The following RBFOX1 variants were observed in gnomAD, a reference collection of about 807,000 sequenced individuals.
RBFOX1 encodes RNA binding fox-1 homolog 1, also known as RNA binding protein fox-1 homolog 1.
A neutral mutation model predicts 57.7 loss-of-function variants in RBFOX1; 8 were observed. The ratio of observed to expected loss-of-function variants is 0.14; its 90% confidence interval spans 0.08 to 0.25. The LOEUF is 0.25. Ranked by LOEUF, RBFOX1 falls within the 10% of genes least tolerant of loss-of-function variation. The pLI, the probability that RBFOX1 is intolerant of heterozygous loss-of-function variation, is 1.00. For synonymous variants in RBFOX1, 326 were observed against 222.4 expected (o/e 1.47, Z -4.15); for missense variants, 611 against 548.5 (o/e 1.11, Z -1.14).
intron 3 of RBFOX1, among the ~76,000 whole-genome samples, chr16:5,855,184 T>G (rs2056994306): frequency 6.6e-6 from 1 of 152,216 alleles, no homozygotes; most frequent in East Asian, 1.9e-4. Context: ...GTTGCTATTT[T>G]GTTCTGTTTG....
chr16:6,242,289 C>G (rs563726049), intron 1 of RBFOX1, among the ~76,000 whole-genome samples: 10 of 152,268 alleles, frequency 6.6e-5, no homozygotes, highest in Middle Eastern at 3.4e-3. Context: ...ACTGCCTTTG[C>G]TACTTAATCA....
intron 4 of RBFOX1, among the ~76,000 whole-genome samples, chr16:7,444,144 T>C (rs531443436): frequency 6.6e-6 from 1 of 152,332 alleles, no homozygotes; most frequent in Admixed American, 6.5e-5. Context: ...TAAACCAACA[T>C]TAGCTAGGGT....
intron 3 of RBFOX1, among the ~76,000 whole-genome samples, chr16:6,814,716 A>G (rs563242718): frequency 1.3e-5 from 2 of 152,208 alleles, no homozygotes; most frequent in African/African-American, 2.4e-5. Context: ...AACCTGAGGA[A>G]GTGAAGTGAA....
chr16:6,282,087 A>G (rs753601644), intron 1 of RBFOX1, among the ~76,000 whole-genome samples: 4 of 152,182 alleles, frequency 2.6e-5, no homozygotes, highest in Non-Finnish European at 4.4e-5. Context: ...GAGAAGTAAG[A>G]GTTCTGAATT....
intron 3 of RBFOX1, among the ~76,000 whole-genome samples, chr16:6,953,019 C>T (rs1025942996): frequency 7.2e-5 from 11 of 152,060 alleles, no homozygotes; most frequent in African/African-American, 2.7e-4. Flanking sequence ...ATCTTTACCT[C>T]ACCTGGCAAT....
chr16:7,256,599 G>A (rs1409489368), intron 4 of RBFOX1, among the ~76,000 whole-genome samples: 1 of 152,026 alleles, frequency 6.6e-6, no homozygotes, highest in Non-Finnish European at 1.5e-5. Context: ...GATGTATGGT[G>A]GCCTTCTGGA....
intron 3 of RBFOX1, among the ~76,000 whole-genome samples, chr16:5,848,850 G>T (rs1452885442): frequency 6.6e-6 from 1 of 152,124 alleles, no homozygotes. Context: ...TTGGGAGGCT[G>T]AGGCAGGAGA....
At chr16:6,991,800 G>A (rs2091505241) in intron 3 of RBFOX1, among the ~76,000 whole-genome samples, 1 of 152,162 alleles carries the variant, frequency 6.6e-6, no homozygotes, top group African/African-American at 2.4e-5. Flanking sequence ...GCCTTCCAAA[G>A]TGCTGCTAGG....
intron 4 of RBFOX1, among the ~76,000 whole-genome samples, chr16:7,165,272 G>A (rs970416059): frequency 1.3e-5 from 2 of 151,854 alleles, no homozygotes; most frequent in Non-Finnish European, 2.9e-5. Flanking sequence ...TAAGCAAGGG[G>A]GCAGAGAGGG....
At chr16:7,460,373 A>ATATATATATATATATG (rs2059322394) in intron 4 of RBFOX1, among the ~76,000 whole-genome samples, 1 of 79,936 alleles carries the variant, frequency 1.3e-5, no homozygotes, top group Non-Finnish European at 2.1e-5. Flanking sequence ...TTAGCAAAAT[A>ATATATATATATATATG]TATATATATA....
chr16:5,599,407 C>G, exon 3 of RBFOX1: 1 of 578,032 alleles, frequency 1.7e-6, no homozygotes, highest in East Asian at 2.8e-5. Flanking sequence ...GGCTTGGAGT[C>G]ACTGGGGTAC....
intron 3 of RBFOX1, among the ~76,000 whole-genome samples, chr16:5,788,667 A>T (rs890652842): frequency 1.6e-4 from 25 of 152,264 alleles, no homozygotes; most frequent in Admixed American, 1.6e-3. Flanking sequence ...GTGCTCTTTC[A>T]AAAGAGCAAA....
At chr16:5,828,967 C>T (rs898828865) in intron 3 of RBFOX1, among the ~76,000 whole-genome samples, 7 of 152,142 alleles carry the variant, frequency 4.6e-5, no homozygotes, top group East Asian at 1.9e-4. Context: ...TCCTCTGCTC[C>T]GGGTCTCCCA....
At chr16:6,092,435 A>G (rs145435770) in intron 1 of RBFOX1, 50 of 152,356 alleles carry the variant, frequency 3.3e-4, no homozygotes, top group Non-Finnish European at 8.8e-5. Flanking sequence ...CTGCAAGTCC[A>G]GCTTAAAGGA....
chr16:7,080,848 A>G (rs997216565), intron 4 of RBFOX1, among the ~76,000 whole-genome samples: 7 of 152,290 alleles, frequency 4.6e-5, no homozygotes, highest in East Asian at 3.9e-4. Flanking sequence ...CAAGGCCACA[A>G]TCCATCCTCA....
chr16:7,028,501 C>T (rs1242835326), intron 3 of RBFOX1, among the ~76,000 whole-genome samples: 1 of 146,196 alleles, frequency 6.8e-6, no homozygotes, highest in Non-Finnish European at 1.5e-5. Context: ...GCAGGAGAAT[C>T]GCTTGAACCC....
At chr16:7,015,776 AT>A (rs1012352884) in intron 3 of RBFOX1, among the ~76,000 whole-genome samples, 174 of 149,708 alleles carry the variant, frequency 1.2e-3, no homozygotes, top group African/African-American at 1.5e-3. Flanking sequence ...TTTCTTAAAG[AT>A]TTTTTTTTTC....
intron 2 of RBFOX1, among the ~76,000 whole-genome samples, chr16:6,332,889 T>G (rs1170087539): frequency 6.6e-6 from 1 of 152,200 alleles, no homozygotes; most frequent in African/African-American, 2.4e-5. Flanking sequence ...ATGAAAGTTA[T>G]AGAACATAGA....
chr16:5,280,613 C>T (rs183446593), intron 1 of RBFOX1, among the ~76,000 whole-genome samples: 2 of 152,284 alleles, frequency 1.3e-5, no homozygotes, highest in Admixed American at 6.5e-5. Flanking sequence ...ACCTGCTATT[C>T]ATTTTGGGTC....
Sources: allele counts gnomAD v4.1 joint callset (sites outside exome capture counted in the v4.1 genomes callset), GRCh38; gene constraint gnomAD v4.1.1; transcripts MANE v1.5; gene names NCBI Gene and HGNC (gene_info 2026-07-23, HGNC 2026-07-21).